Variants in CYBC1 observed in about 807,000 individuals in gnomAD.
CYBC1 encodes essential for reactive oxygen species protein.
Under a neutral mutation model 21.7 loss-of-function variants are expected in CYBC1, and 22 were observed. That is an observed-to-expected ratio of 1.02 (90% CI 0.73 to 1.45). The LOEUF (loss-of-function observed/expected upper bound fraction) is 1.45. CYBC1 is among the 40% of genes most tolerant of loss of function. CYBC1 has a pLI of 0.00. For synonymous variants in CYBC1, 112 were observed against 98.7 expected (o/e 1.13, Z -0.80); for missense variants, 237 against 242.1 (o/e 0.98, Z 0.14).
At chr17:82,447,491 G>T in intron 3 of CYBC1, 89 bp downstream of exon 3, 1 of 1,018,590 alleles carries the variant, frequency 9.8e-7, no homozygotes, top group African/African-American at 1.7e-5. Context: ...CCGCCCCATG[G>T]ACAGTCACAA....
rs985126290 is a variant in CYBC1, at chr17:82,446,793, C to T, written c.128-97G>A. ...CCTCCCCCAGACGCTGGCCAGAGCC[C>T]ACGCTTGCAAGGACCCCCTGGGCAG... On this transcript the variant is annotated intron_variant, in intron 3 of 6. Coordinates refer to ENST00000306645, the MANE Select transcript of CYBC1 (RefSeq NM_001033046.4). The T allele has an allele frequency of 1.0e-5, 13 of 1,301,236 alleles. No homozygotes were observed. In the Admixed American group the frequency reaches 1.3e-4, roughly 13 times the overall value. The allele number at this position is 1,301,236 out of a possible 1,614,324, so 80.6% of individuals were successfully genotyped here. A position where few individuals can be genotyped will look rare whatever the true frequency, so the allele number is the denominator to read the frequency against.
intron 3 of CYBC1, chr17:82,447,017 C>G (rs532476309): frequency 2.1e-4 from 93 of 444,656 alleles, no homozygotes; most frequent in Non-Finnish European, 2.7e-4. Context: ...TCAAGAGCAT[C>G]TCTCCGGGAA....
intron 2 of CYBC1, 94 bp downstream of exon 2, chr17:82,449,076 A>G (rs1038293910): frequency 1.5e-5 from 15 of 1,010,608 alleles, no homozygotes; most frequent in Non-Finnish European, 2.2e-5. Flanking sequence ...TCAAGGTAAT[A>G]GAAAAAAGAG....
intron 1 of CYBC1, 140 bp from the exon 2 acceptor site, chr17:82,449,432 T>C: frequency 2.1e-6 from 1 of 465,572 alleles, no homozygotes; most frequent in South Asian, 4.3e-5. Context: ...CAGTCTCACC[T>C]GGTCTCTGTG....
rs1026705675 is a variant in CYBC1 at position 82,444,852 on chromosome 17, G to A, written c.299-261C>T. 95 of 492,590 alleles carry A rather than the reference G, an allele frequency of 1.9e-4. 1 individual carries two copies. The highest frequency in any genetic ancestry group is 1.2e-3 in the African/African-American group (64 of 51,570). The allele number at this position is 492,590 out of a possible 1,614,324, so 30.5% of individuals were successfully genotyped here. ...GCCCGCTGGTTCTCCTGGGAGTGCC[G>A]ACTGCGGGGACCCGCTCAGCGCGAG... On this transcript the variant is annotated intron_variant, in intron 5 of 6. Coordinates refer to ENST00000306645, the MANE Select transcript of CYBC1 (RefSeq NM_001033046.4).
intron 5 of CYBC1, 59 bp downstream of exon 5, chr17:82,445,805 C>A: frequency 1.5e-6 from 2 of 1,337,008 alleles, no homozygotes; most frequent in East Asian, 2.4e-5. Context: ...GTCACCCAGA[C>A]GCCCAAGTGC....
Position 82,449,196 on chromosome 17 carries a change from C to G in CYBC1, c.59G>C (p.Gly20Ala), listed in dbSNP as rs2054455867. 6.3e-7 allele frequency: 1 copy of G among 1,582,320 alleles called. No homozygotes were observed. The highest frequency in any genetic ancestry group is 1.8e-5 in the Admixed American group (1 of 54,832). ...AACCAGCAGGGACCAGGACCGGATG[C>G]CTGGAGCCCTCTTCAGATGGAGGCG... ...SSRLHLKRAP[G>A]IRSWSLLVGI... The change falls in exon 2 of 7, where the codon GGC becomes GCC. Residue 20 changes from glycine to alanine, a missense_variant. Transcript: ENST00000306645.
intron 3 of CYBC1, 24 bp from the exon 4 acceptor site, chr17:82,446,720 G>A (rs1567911349): frequency 6.2e-7 from 1 of 1,612,476 alleles, no homozygotes; most frequent in East Asian, 2.2e-5. Context: ...TAGGGCGCCA[G>A]CCTGTGAGCT....
rs767417429 is a variant in CYBC1 at position 82,443,734 on chromosome 17, A to G, written c.*270T>C. The G allele has an allele frequency of 1.2e-6, 1 of 815,684 alleles. No individual in the cohort carries two copies. Among genetic ancestry groups the G allele is most frequent in the Non-Finnish European group, 2.2e-6 (1 of 464,418 alleles). The allele number at this position is 815,684 out of a possible 1,614,324, so 50.5% of individuals were successfully genotyped here. Reference sequence around the variant, plus strand: ...CAGCAGCATGAGCAGGCAATAGGCCAACTCGGCTGGAGGCACCAACTGAAG... The same window carrying G: ...CAGCAGCATGAGCAGGCAATAGGCCGACTCGGCTGGAGGCACCAACTGAAG... On this transcript the variant is annotated 3_prime_UTR_variant, in exon 7 of 7. Transcript: ENST00000306645. This position sits in a 1 kb window ranked among gnomAD's most constrained non-coding sequence, Gnocchi z 6.7.
intron 5 of CYBC1, chr17:82,445,607 T>C: frequency 2.4e-6 from 1 of 414,494 alleles, no homozygotes; most frequent in Non-Finnish European, 4.4e-6. Context: ...CTCAGACCCC[T>C]GCTCCTCCCA....
At chr17:82,450,372 ATT>A (rs1567917087) in intron 1 of CYBC1, 1 of 152,210 alleles carries the variant, frequency 6.6e-6, no homozygotes, top group East Asian at 1.9e-4. Flanking sequence ...CAGTTGCCTC[ATT>A]GCTCCCGAAA....
intron 2 of CYBC1, 64 bp from the exon 3 acceptor site, chr17:82,447,685 G>C: frequency 7.0e-7 from 1 of 1,431,748 alleles, no homozygotes; most frequent in Non-Finnish European, 9.6e-7. Flanking sequence ...CTGGTGCAGC[G>C]GGACCAGGAG....
At chr17:82,450,635 G>A (rs1021419421) in intron 1 of CYBC1, 65 bp downstream of exon 1, 1 of 152,100 alleles carries the variant, frequency 6.6e-6, no homozygotes, top group Non-Finnish European at 1.5e-5. Context: ...GTGGGCCTAA[G>A]GGTGCCGGGA....
intron 1 of CYBC1, chr17:82,449,614 T>G: frequency 1.3e-5 from 3 of 236,790 alleles, no homozygotes; most frequent in Non-Finnish European, 1.6e-5. Flanking sequence ...CTGAGGCCGC[T>G]AGCCCCCAGC....
At chr17:82,445,313 G>C (rs1387252235) in intron 5 of CYBC1, 1 of 156,802 alleles carries the variant, frequency 6.4e-6, no homozygotes, top group Non-Finnish European at 1.4e-5. Flanking sequence ...TCAAGGGTGG[G>C]GAGTTCCTCG....
intron 4 of CYBC1, 25 bp downstream of exon 4, chr17:82,446,598 T>G: frequency 1.2e-6 from 2 of 1,612,880 alleles, no homozygotes; most frequent in Non-Finnish European, 1.7e-6. Flanking sequence ...CCCTGGACTC[T>G]GTCCCGCACC....
At position 82,443,607 on chromosome 17, in the gene CYBC1, A is replaced by G. The variant is rs1355289531; in HGVS notation, c.*397T>C. ...TTGCTGTGGCCCAAAGCAGGAGTCCAGGGCTGGCGAGACCTCCGGCTGCAG... is the reference window on the plus strand; with the variant it reads ...TTGCTGTGGCCCAAAGCAGGAGTCCGGGGCTGGCGAGACCTCCGGCTGCAG... On this transcript the variant is annotated 3_prime_UTR_variant, in exon 7 of 7. Coordinates refer to ENST00000306645, the MANE Select transcript of CYBC1 (RefSeq NM_001033046.4). The surrounding 1 kb of genome is among the most constrained non-coding windows in gnomAD (Gnocchi z 6.7). The G allele has an allele frequency of 4.2e-6, 3 of 711,768 alleles. No individual in the cohort carries two copies. The highest frequency in any genetic ancestry group is 1.7e-5 in the African/African-American group (1 of 57,634). 44.1% of individuals were successfully genotyped at this position (711,768 alleles called of 1,614,324 possible).
chr17:82,448,010 A>G, intron 2 of CYBC1: 1 of 306,254 alleles, frequency 3.3e-6, no homozygotes. Flanking sequence ...TCCATAACTG[A>G]CACGGGTGTT....
At chr17:82,448,011 C>T (rs915191232) in intron 2 of CYBC1, 3 of 307,436 alleles carry the variant, frequency 9.8e-6, no homozygotes, top group African/African-American at 6.8e-5. Flanking sequence ...CCATAACTGA[C>T]ACGGGTGTTA....
Sources: allele counts gnomAD v4.1 joint callset, GRCh38; gene constraint gnomAD v4.1.1; non-coding constraint Gnocchi (gnomAD v3.1); transcripts MANE v1.5; gene names NCBI Gene and HGNC (gene_info 2026-07-23, HGNC 2026-07-21).